Variants in ZSCAN21 observed in about 807,000 individuals in gnomAD.
The protein encoded by ZSCAN21 is zinc finger and SCAN domain-containing protein 21.
In ZSCAN21, 26 loss-of-function variants were observed where a neutral mutation model predicts 35.6. The observed-to-expected ratio is 0.73, with a 90% CI of 0.54 to 1.01. ZSCAN21 has a LOEUF of 1.01. ZSCAN21 is among the 50% of genes least tolerant of loss of function. ZSCAN21 has a pLI of 0.00. For missense variants in ZSCAN21, 593 were observed against 587.1 expected, an observed-to-expected ratio of 1.01 and a Z score of -0.10; for synonymous variants, 219 against 219.3, an observed-to-expected ratio of 1.00 and a Z score of 0.01.
At chr7:100,056,886 T>C in intron 1 of ZSCAN21, 25 bp from the exon 2 acceptor site, 1 of 1,082,250 alleles carries the variant, frequency 9.2e-7, no homozygotes, top group Non-Finnish European at 1.3e-6. Context: ...AGTTTGATTA[T>C]TTTTTGGTAA....
chr7:100,053,113 G>A (rs1438990149), intron 1 of ZSCAN21, among the ~76,000 whole-genome samples: 2 of 147,000 alleles, frequency 1.4e-5, no homozygotes, highest in Non-Finnish European at 3.0e-5. Context: ...GCAACGGAGT[G>A]AGACTCCATC....
Position 100,057,225 on chromosome 7 carries a change from G to C in ZSCAN21, c.219G>C (p.Trp73Cys), listed in dbSNP as rs1792106492. ...AACTCCGGGTGCTCTGCTGTGAGTG[G>C]CTGAGGCCCGAGATCCACACCAAGG... ...LSQLRVLCCE[W>C]LRPEIHTKEQ... The change falls in exon 2 of 4, where the codon TGG becomes TGC. Residue 73 changes from tryptophan (W) to cysteine (C), a missense_variant. Transcript: ENST00000292450. The C allele has an allele frequency of 6.8e-7, 1 of 1,473,186 alleles. No homozygotes were observed. The highest frequency in any genetic ancestry group is 1.6e-5 in the African/African-American group (1 of 63,866). 91.3% of individuals were successfully genotyped at this position (1,473,186 alleles called of 1,614,324 possible). A position where few individuals can be genotyped will look rare whatever the true frequency, so the allele number is the denominator to read the frequency against.
At chr7:100,063,501 C>CT (rs1792447247) in intron 3 of ZSCAN21, among the ~76,000 whole-genome samples, 1 of 152,076 alleles carries the variant, frequency 6.6e-6, no homozygotes, top group African/African-American at 2.4e-5. Context: ...ACTCTGGAGG[C>CT]TGAGGCAGGA....
At chr7:100,060,507 A>T (rs1271024965) in intron 3 of ZSCAN21, among the ~76,000 whole-genome samples, 1 of 151,942 alleles carries the variant, frequency 6.6e-6, no homozygotes, top group Non-Finnish European at 1.5e-5. Flanking sequence ...GATTGCAGTG[A>T]GCCAAGATCG....
chr7:100,064,350 G>C lies in ZSCAN21; in HGVS notation c.1155G>C (p.Glu385Asp), dbSNP rs1412720160. 6.2e-7 allele frequency: 1 copy of C among 1,614,192 alleles called. No homozygotes were observed. Among genetic ancestry groups the C allele is most frequent in the East Asian group, 2.2e-5 (1 of 44,884 alleles). Residue 385 changes from glutamate (E) to aspartate (D), a missense_variant, in exon 4 of 4, where the codon GAG (glutamate) becomes GAC (aspartate). By Grantham distance (45) the Glu-to-Asp change is conservative. Coordinates refer to ENST00000292450, the MANE Select transcript of ZSCAN21 (RefSeq NM_145914.3). The stretch of plus-strand genomic sequence containing the variant: ...GTCACTATCGGATCCACACTGGGGA[G>C]AAGCCTTATCAGTGTAACGAATGTG... ...LIRHYRIHTG[E>D]KPYQCNECGK...
chr7:100,063,918 C>G lies in ZSCAN21; in HGVS notation c.723C>G (p.Cys241Trp), dbSNP rs991129194. The change falls in exon 4 of 4, where the codon TGC (cysteine) becomes TGG (tryptophan). Residue 241 changes from cysteine to tryptophan, a missense_variant. By Grantham distance (215) the Cys-to-Trp change is radical (BLOSUM62 -2). Coordinates refer to ENST00000292450, the MANE Select transcript of ZSCAN21 (RefSeq NM_145914.3). ...CTGAGGCCAGCTTAGAGAGGCAGTG[C>G]GTAAACCTTGAAAATGAAAAAGGAA... is the stretch of plus-strand genomic sequence containing the variant. ...NKPEASLERQ[C>W]VNLENEKGTK... 1 of 1,614,068 alleles carries G rather than the reference C, an allele frequency of 6.2e-7. No homozygotes were observed. Among genetic ancestry groups the G allele is most frequent in the Non-Finnish European group, 8.5e-7 (1 of 1,180,028 alleles).
At chr7:100,056,567 C>A (rs568650502) in intron 1 of ZSCAN21, among the ~76,000 whole-genome samples, 2 of 151,962 alleles carry the variant, frequency 1.3e-5, no homozygotes, top group African/African-American at 4.8e-5. Flanking sequence ...TGGGTTCAAG[C>A]AATTCTCCTG....
chr7:100,064,725 A>C lies in ZSCAN21; in HGVS notation c.*108A>C. On this transcript the variant is annotated 3_prime_UTR_variant, in exon 4 of 4. Transcript: ENST00000292450. ...CGATTCCGGTGATAGAGTTTGTATC[A>C]CTCAACATCAGGGGATGCCTGAGGA... The C allele has an allele frequency of 6.2e-7, 1 of 1,611,776 alleles. No homozygotes were observed. Among genetic ancestry groups the C allele is most frequent in the Non-Finnish European group, 8.5e-7 (1 of 1,178,472 alleles).
chr7:100,054,252 T>G (rs1791994047), intron 1 of ZSCAN21, among the ~76,000 whole-genome samples: 2 of 151,548 alleles, frequency 1.3e-5, no homozygotes, highest in Admixed American at 1.3e-4. Flanking sequence ...TGTTTTTTGT[T>G]TTTTGTTTTT....
chr7:100,054,787 C>CGAG (rs1234454743), intron 1 of ZSCAN21, among the ~76,000 whole-genome samples: 1 of 134,902 alleles, frequency 7.4e-6, no homozygotes, highest in Non-Finnish European at 1.5e-5. Context: ...TGCAGTGAGC[C>CGAG]GAGATCACGC....
chr7:100,063,784 T>G lies in ZSCAN21; in HGVS notation c.593-4T>G. 1 of 1,597,504 alleles carries G rather than the reference T, an allele frequency of 6.3e-7. No homozygotes were observed. Among genetic ancestry groups the G allele is most frequent in the Non-Finnish European group, 8.5e-7 (1 of 1,173,702 alleles). ...AAGTATCCTTAATCTGCTTATTGTT[T>G]CAGATTGCAGATTGAGTACCCAGCA... On this transcript the variant is annotated splice_polypyrimidine_tract_variant and splice_region_variant and intron_variant, in intron 3 of 3. Coordinates refer to ENST00000292450, the MANE Select transcript of ZSCAN21 (RefSeq NM_145914.3).
intron 1 of ZSCAN21, among the ~76,000 whole-genome samples, chr7:100,050,440 C>T (rs1341243644): frequency 4.6e-5 from 7 of 152,208 alleles, no homozygotes. Context: ...GGCGCGGTGG[C>T]TCACGCCTGT....
rs767923307 is a variant in ZSCAN21 at position 100,064,055 on chromosome 7, G to C, written c.860G>C (p.Ser287Thr). ...TGTGCTGAATGTGGCAAAGCCTTTA[G>C]TAATAGCTCAAATCTCACCAAACAC... is the stretch of plus-strand genomic sequence containing the variant. Reference protein sequence around the residue: ...YICAECGKAFSNSSNLTKHRR... With the variant: ...YICAECGKAFTNSSNLTKHRR... Residue 287 changes from serine to threonine, a missense_variant, in exon 4 of 4, where the codon AGT (serine) becomes ACT (threonine). Coordinates refer to ENST00000292450, the MANE Select transcript of ZSCAN21 (RefSeq NM_145914.3). 1.5e-5 allele frequency: 25 copies of C among 1,614,120 alleles called. No individual in the cohort carries two copies. The South Asian group carries it at 2.6e-4, about 17-fold the overall frequency.
At chr7:100,057,468 AG>A in intron 2 of ZSCAN21, 63 bp downstream of exon 2, 2 of 1,497,994 alleles carry the variant, frequency 1.3e-6, no homozygotes, top group Non-Finnish European at 1.8e-6. Flanking sequence ...GGCAGGAACA[AG>A]GGTTTGTCCA....
intron 2 of ZSCAN21, 128 bp from the exon 3 acceptor site, chr7:100,057,570 T>G: frequency 7.4e-7 from 1 of 1,352,940 alleles, no homozygotes; most frequent in Non-Finnish European, 1.0e-6. Context: ...CTTTTAGCCT[T>G]GGGAATGGAA....
intron 3 of ZSCAN21, among the ~76,000 whole-genome samples, chr7:100,062,335 A>AATCCCAG (rs1380912981): frequency 7.0e-6 from 1 of 143,258 alleles, no homozygotes; most frequent in African/African-American, 2.6e-5. Context: ...TCATGCCTGT[A>AATCCCAG]ATCCCAGCAC....
At chr7:100,058,202 G>T (rs896473369) in intron 3 of ZSCAN21, among the ~76,000 whole-genome samples, 3 of 152,122 alleles carry the variant, frequency 2.0e-5, no homozygotes, top group Non-Finnish European at 2.9e-5. Context: ...GACTTCAAAT[G>T]AACCAATAAG....
intron 2 of ZSCAN21, 131 bp downstream of exon 2, chr7:100,057,536 T>C: frequency 7.2e-7 from 1 of 1,388,010 alleles, no homozygotes; most frequent in Non-Finnish European, 9.7e-7. Context: ...TTTCCTCCTA[T>C]TTTTCTCTAT....
chr7:100,053,547 T>TACATAG lies in ZSCAN21; in HGVS notation c.-96-3364_-96-3363insACATAG, dbSNP rs1491459059. Reference sequence around the variant, plus strand: ...CATACATACATACATACATACATAATTTTTTTTTTTTTTTTTTTTTTGCAA... The same window carrying TACATAG: ...CATACATACATACATACATACATAATACATAGTTTTTTTTTTTTTTTTTTTTTGCAA... On this transcript the variant is annotated intron_variant, in intron 1 of 3. Coordinates refer to ENST00000292450, the MANE Select transcript of ZSCAN21 (RefSeq NM_145914.3). 8.8e-3 allele frequency among the ~76,000 whole-genome samples: 164 copies of TACATAG among 18,636 alleles called. 8 individuals carry two copies. The highest frequency in any genetic ancestry group is 0.027 in the East Asian group (13 of 484). 12.2% of individuals were successfully genotyped at this position (18,636 alleles called of 152,430 possible).
Sources: allele counts gnomAD v4.1 joint callset (sites outside exome capture counted in the v4.1 genomes callset), GRCh38; gene constraint gnomAD v4.1.1; transcripts MANE v1.5; gene names NCBI Gene and HGNC (gene_info 2026-07-23, HGNC 2026-07-21).